The following LY9 variants were observed in gnomAD, a reference collection of about 807,000 sequenced individuals.
LY9 encodes the protein lymphocyte antigen 9.
In LY9, 59 loss-of-function variants were observed where a neutral mutation model predicts 64.6. The observed-to-expected ratio is 0.91, with a 90% CI of 0.74 to 1.13. The LOEUF (loss-of-function observed/expected upper bound fraction) is 1.13. Among genes scored for constraint, LY9 ranks in the 50% most tolerant of loss-of-function variants. The pLI is 0.00. For synonymous variants in LY9, 281 were observed against 308.5 expected (o/e 0.91, Z 0.93); for missense variants, 789 against 797.2 (o/e 0.99, Z 0.12).
intron 2 of LY9, chr1:160,801,837 C>G: frequency 6.2e-7 from 1 of 1,614,174 alleles, no homozygotes; most frequent in Non-Finnish European, 8.5e-7. Context: ...GGGTGACCAC[C>G]GCACACTCCT....
At chr1:160,807,217 T>C (rs1667063567) in intron 2 of LY9, among the ~76,000 whole-genome samples, 1 of 152,222 alleles carries the variant, frequency 6.6e-6, no homozygotes. Flanking sequence ...GTTACTTTCA[T>C]GGGGAGGTCT....
At chr1:160,813,582 G>A (rs931443933) in intron 2 of LY9, 54 bp from the exon 3 acceptor site, 30 of 1,567,668 alleles carry the variant, frequency 1.9e-5, no homozygotes, top group African/African-American at 8.1e-5. Context: ...TTCTCTCAGC[G>A]CTTTCCTGCT....
intron 2 of LY9, among the ~76,000 whole-genome samples, chr1:160,806,548 A>T (rs1458567881): frequency 1.3e-5 from 2 of 152,178 alleles, no homozygotes; most frequent in African/African-American, 4.8e-5. Context: ...CTCTTTGAAT[A>T]TATTATTCCA....
In LY9 at chr1:160,818,270, T is replaced by C. The variant is rs745760162; in HGVS notation, c.1395T>C (p.Leu465=). 5 of 1,614,162 alleles carry C rather than the reference T, an allele frequency of 3.1e-6. No homozygotes were observed. The highest frequency in any genetic ancestry group is 4.2e-6 in the Non-Finnish European group (5 of 1,180,028). The change falls in exon 6 of 10, where the codon CTT becomes CTC. Residue 465 remains leucine (L), a synonymous_variant. Coordinates refer to ENST00000263285, the MANE Select transcript of LY9 (RefSeq NM_002348.4). ...LWIGLFLMVC[L]LCVGIFSWCI... ...TTGGGTTGTTCCTGATGGTTTGCCT[T>C]CTGTGCGTTGGGATCTTCAGCTGGT... is the stretch of plus-strand genomic sequence containing the variant.
In LY9 at chr1:160,813,633, C is replaced by A; in HGVS notation, c.455-3C>A. The stretch of plus-strand genomic sequence containing the variant: ...GCATCTTCCCATGCTGTTGTCCCTG[C>A]AGAGCAGCTGCAGGAGCCCCAAGTC... On this transcript the variant is annotated splice_polypyrimidine_tract_variant and splice_region_variant and intron_variant, in intron 2 of 9. Transcript: ENST00000263285. The A allele has an allele frequency of 6.2e-7, 1 of 1,612,232 alleles. No homozygotes were observed. Among genetic ancestry groups the A allele is most frequent in the Non-Finnish European group, 8.5e-7 (1 of 1,178,934 alleles).
At chr1:160,804,956 C>A (rs1221924610) in intron 2 of LY9, among the ~76,000 whole-genome samples, 2 of 151,990 alleles carry the variant, frequency 1.3e-5, no homozygotes, top group Non-Finnish European at 2.9e-5. Context: ...AATGTCTCCA[C>A]TTTTTCTGAT....
At chr1:160,809,446 C>A (rs867492016) in intron 2 of LY9, among the ~76,000 whole-genome samples, 6 of 151,806 alleles carry the variant, frequency 4.0e-5, no homozygotes, top group African/African-American at 1.5e-4. Flanking sequence ...CTCAAGCTGT[C>A]CCCTTCCCTC....
At chr1:160,809,106 C>T (rs76704193) in intron 2 of LY9, among the ~76,000 whole-genome samples, 41 of 152,004 alleles carry the variant, frequency 2.7e-4, no homozygotes, top group South Asian at 6.2e-4. Context: ...TATCTTTTCA[C>T]GCTTATGTGA....
At chr1:160,821,157 A>AAAAG (rs1396786432) in intron 7 of LY9, among the ~76,000 whole-genome samples, 1 of 150,296 alleles carries the variant, frequency 6.7e-6, no homozygotes, top group African/African-American at 2.5e-5. Context: ...TTGCTAAAAA[A>AAAAG]AAAAAAAAAA....
At position 160,823,752 on chromosome 1, in the gene LY9, G is replaced by C. The variant is rs539225401; in HGVS notation, c.1786G>C (p.Val596Leu). The change falls in exon 8 of 10, where the codon GTG becomes CTG. Residue 596 changes from valine (V) to leucine (L), a missense_variant. Physicochemically the swap from Val to Leu is conservative, Grantham distance 32. Coordinates refer to ENST00000263285, the MANE Select transcript of LY9 (RefSeq NM_002348.4). ...VTPYVTEVES[V>L]VGENTMYAQV... ...TCCATATGTCACGGAAGTTGAGTCT[G>C]TGGTTGGAGAGAACACCATGTATGC... 20 of 1,614,048 alleles carry C rather than the reference G, an allele frequency of 1.2e-5. No individual in the cohort carries two copies. Among genetic ancestry groups the C allele is most frequent in the African/African-American group, 2.7e-5 (2 of 74,928 alleles).
intron 2 of LY9, among the ~76,000 whole-genome samples, chr1:160,800,583 G>A (rs946393350): frequency 6.6e-6 from 1 of 152,026 alleles, no homozygotes; most frequent in African/African-American, 2.4e-5. Context: ...GGGTACAAGT[G>A]TAGATTTATT....
At chr1:160,815,343 AAAAACAAAAC>A (rs202031989) in intron 4 of LY9, 1 of 152,496 alleles carries the variant, frequency 6.6e-6, no homozygotes. Context: ...TCCGTCTAAA[AAAAACAAAAC>A]AAAACAAAAC....
chr1:160,803,969 C>G (rs957280220), intron 2 of LY9, among the ~76,000 whole-genome samples: 1 of 152,016 alleles, frequency 6.6e-6, no homozygotes, highest in Non-Finnish European at 1.5e-5. Flanking sequence ...ATGACTATAC[C>G]ACTGCACTAC....
At chr1:160,802,729 A>T in intron 2 of LY9, 1 of 812,600 alleles carries the variant, frequency 1.2e-6, no homozygotes, top group Non-Finnish European at 1.5e-6. Context: ...AATAAATAAA[A>T]AGTATCTTTT....
chr1:160,823,214 G>T (rs977574938), intron 7 of LY9, among the ~76,000 whole-genome samples: 2 of 152,144 alleles, frequency 1.3e-5, no homozygotes, highest in African/African-American at 4.8e-5. Context: ...ATCCCACAGG[G>T]CCAGAGAGTT....
chr1:160,797,842 T>G (rs1666036756), intron 1 of LY9, among the ~76,000 whole-genome samples: 1 of 136,650 alleles, frequency 7.3e-6, no homozygotes, highest in Non-Finnish European at 1.6e-5. Flanking sequence ...GCAACACTCT[T>G]ACAGATTGTA....
chr1:160,825,004 C>T (rs911783704), intron 9 of LY9, among the ~76,000 whole-genome samples: 1 of 143,218 alleles, frequency 7.0e-6, no homozygotes, highest in African/African-American at 2.8e-5. Flanking sequence ...AAAAAAAATT[C>T]CCAGCCTGGG....
chr1:160,796,627 G>A (rs535588252), intron 1 of LY9, among the ~76,000 whole-genome samples: 12 of 152,196 alleles, frequency 7.9e-5, no homozygotes, highest in East Asian at 7.7e-4. Flanking sequence ...TCTTGACCTC[G>A]TGATCTGCCC....
chr1:160,823,833 C>T (rs754358368), intron 8 of LY9, 37 bp downstream of exon 8: 20 of 1,491,512 alleles, frequency 1.3e-5, no homozygotes, highest in Middle Eastern at 1.7e-4. Flanking sequence ...CCTCCTCCTC[C>T]CATGTCTAGC....
Sources: allele counts gnomAD v4.1 joint callset (sites outside exome capture counted in the v4.1 genomes callset), GRCh38; gene constraint gnomAD v4.1.1; transcripts MANE v1.5; gene names NCBI Gene and HGNC (gene_info 2026-07-23, HGNC 2026-07-21).